MEGF10: variants seen among roughly 807,000 people sequenced by gnomAD.
MEGF10 encodes multiple EGF like domains 10, also known as multiple epidermal growth factor-like domains protein 10.
A neutral mutation model predicts 147.5 loss-of-function variants in MEGF10; 86 were observed. That is an observed-to-expected ratio of 0.58 (90% CI 0.49 to 0.70). The LOEUF (loss-of-function observed/expected upper bound fraction) is 0.70. Ranked by LOEUF, MEGF10 falls within the 30% of genes least tolerant of loss-of-function variation. The pLI is 0.00. For synonymous variants in MEGF10, 478 were observed against 525.5 expected (o/e 0.91, Z 1.24); for missense variants, 1,329 against 1,487.3 (o/e 0.89, Z 1.75).
chr5:127,359,892 C>A (rs1762413294), intron 4 of MEGF10, among the ~76,000 whole-genome samples: 1 of 152,018 alleles, frequency 6.6e-6, no homozygotes, highest in Admixed American at 6.6e-5. Flanking sequence ...TTGGGTAATA[C>A]CTGGAGTTGG....
intron 4 of MEGF10, among the ~76,000 whole-genome samples, chr5:127,354,015 T>C (rs1762187070): frequency 6.6e-6 from 1 of 152,264 alleles, no homozygotes; most frequent in Admixed American, 6.5e-5. Context: ...TATGATTTCC[T>C]GTTCTTAACA....
chr5:127,264,513 G>C, the MEGF10 span, among the ~76,000 whole-genome samples: 1 of 152,134 alleles, frequency 6.6e-6, no homozygotes, highest in African/African-American at 2.4e-5. Flanking sequence ...CAGTGAACAA[G>C]CTCAGCTGCA....
intron 5 of MEGF10, among the ~76,000 whole-genome samples, chr5:127,391,667 A>ATTG (rs1763704123): frequency 6.6e-6 from 1 of 151,988 alleles, no homozygotes; most frequent in Non-Finnish European, 1.5e-5. Context: ...TATTATTATT[A>ATTG]TTATGACTCA....
intron 4 of MEGF10, among the ~76,000 whole-genome samples, chr5:127,340,956 C>G (rs1348890627): frequency 6.6e-6 from 1 of 152,066 alleles, no homozygotes; most frequent in Non-Finnish European, 1.5e-5. Context: ...GGACCTGGGT[C>G]CCAGAAGAGA....
chr5:127,331,172 G>T, intron 1 of MEGF10, 119 bp from the exon 2 acceptor site: 1 of 592,316 alleles, frequency 1.7e-6, no homozygotes. Flanking sequence ...TGAAATACAT[G>T]GCTTGTTATG....
chr5:127,236,218 A>G, the MEGF10 span, among the ~76,000 whole-genome samples: 18 of 151,870 alleles, frequency 1.2e-4, no homozygotes, highest in Non-Finnish European at 1.3e-4. Flanking sequence ...TGATCTGCCC[A>G]CCTCAGCCTC....
chr5:127,421,119 C>T (rs1017329054), intron 12 of MEGF10, among the ~76,000 whole-genome samples: 5 of 152,210 alleles, frequency 3.3e-5, no homozygotes, highest in Non-Finnish European at 7.3e-5. Flanking sequence ...CTCTAGTGAA[C>T]AAATTATCAG....
At chr5:127,439,502 C>T (rs1765679186) in intron 17 of MEGF10, among the ~76,000 whole-genome samples, 1 of 152,108 alleles carries the variant, frequency 6.6e-6, no homozygotes, top group South Asian at 2.1e-4. Flanking sequence ...AGACCTTGAA[C>T]CAAGAGTTGA....
At chr5:127,244,631 C>T in the MEGF10 span, among the ~76,000 whole-genome samples, 1 of 152,008 alleles carries the variant, frequency 6.6e-6, no homozygotes, top group Non-Finnish European at 1.5e-5. Flanking sequence ...TCACCCCCCA[C>T]CCCACAAGTT....
chr5:127,459,467 G>A lies in MEGF10; in HGVS notation c.*2149G>A, dbSNP rs3756721. 0.24 allele frequency: 36,669 copies of A among 152,064 alleles called. 5,172 individuals are homozygous for A. Among genetic ancestry groups the A allele is most frequent in the African/African-American group, 0.4 (16,572 of 41,460 alleles). 9.4% of individuals were successfully genotyped at this position (152,064 alleles called of 1,614,324 possible). A position where few individuals can be genotyped will look rare whatever the true frequency, so the allele number is the denominator to read the frequency against. On this transcript the variant is annotated 3_prime_UTR_variant, in exon 25 of 25. Transcript: ENST00000503335. ...AATAGCCATCGGGGTCCTTTTTGGT[G>A]AGAAGAAATAAGACATTTTCTCCCT...
At chr5:127,255,285 T>A in the MEGF10 span, among the ~76,000 whole-genome samples, 1 of 152,184 alleles carries the variant, frequency 6.6e-6, no homozygotes, top group Non-Finnish European at 1.5e-5. Context: ...ACAAATCTTG[T>A]GACCTCTGGC....
the MEGF10 span, among the ~76,000 whole-genome samples, chr5:127,235,187 T>G: frequency 6.6e-6 from 1 of 152,220 alleles, no homozygotes; most frequent in Non-Finnish European, 1.5e-5. Context: ...TGCTTATAAC[T>G]GCATTGTCCT....
intron 5 of MEGF10, among the ~76,000 whole-genome samples, chr5:127,383,258 G>C (rs1264898226): frequency 6.6e-6 from 1 of 152,096 alleles, no homozygotes; most frequent in African/African-American, 2.4e-5. Context: ...TTACATAGCA[G>C]TTTATAGTAT....
chr5:127,423,016 T>TG (rs1190791985), intron 13 of MEGF10, among the ~76,000 whole-genome samples: 1 of 152,142 alleles, frequency 6.6e-6, no homozygotes, highest in African/African-American at 2.4e-5. Flanking sequence ...GCCAGCAAGA[T>TG]GGGGAAAATG....
intron 5 of MEGF10, among the ~76,000 whole-genome samples, chr5:127,383,061 T>C (rs1346331758): frequency 1.3e-5 from 2 of 152,206 alleles, no homozygotes; most frequent in East Asian, 3.8e-4. Context: ...AATTTTAATG[T>C]GTGGACCATG....
At chr5:127,295,438 TCTTA>T (rs553514648) in intron 1 of MEGF10, among the ~76,000 whole-genome samples, 42 of 152,364 alleles carry the variant, frequency 2.8e-4, no homozygotes, top group South Asian at 1.4e-3. Flanking sequence ...TCTACCTTTG[TCTTA>T]CTTAGTTTAT....
intron 1 of MEGF10, among the ~76,000 whole-genome samples, chr5:127,318,907 C>T (rs199703774): frequency 1.3e-5 from 2 of 152,156 alleles, no homozygotes; most frequent in Non-Finnish European, 2.9e-5. Context: ...ATAAAAATTG[C>T]TAATTCCTGA....
chr5:127,269,535 G>C, the MEGF10 span, among the ~76,000 whole-genome samples: 1 of 152,124 alleles, frequency 6.6e-6, no homozygotes. Flanking sequence ...GAGAAGTTTA[G>C]AGAAAAAAGA....
intron 1 of MEGF10, among the ~76,000 whole-genome samples, chr5:127,303,968 A>T (rs1218440714): frequency 3.3e-5 from 5 of 152,242 alleles, no homozygotes; most frequent in Non-Finnish European, 1.5e-5. Context: ...GCAAATGCTC[A>T]GTAGGGCTTT....
Sources: gnomAD v4.1 joint callset for allele counts (sites outside exome capture counted in the v4.1 genomes callset) on GRCh38, gnomAD v4.1.1 for gene constraint, MANE v1.5 for transcripts, NCBI Gene and HGNC (gene_info 2026-07-23, HGNC 2026-07-21) for gene names.